ZNF260: variants seen among roughly 807,000 people sequenced by gnomAD.
The protein encoded by ZNF260 is zfp-260.
A neutral mutation model predicts 29.3 loss-of-function variants in ZNF260; 21 were observed. That is an observed-to-expected ratio of 0.72 (90% CI 0.51 to 1.03). The LOEUF is 1.03. ZNF260 is among the 50% of genes least tolerant of loss of function. The pLI, the probability that ZNF260 is intolerant of heterozygous loss-of-function variation, is 0.00. For missense variants in ZNF260, 465 were observed against 487.8 expected, an observed-to-expected ratio of 0.95 and a Z score of 0.44; for synonymous variants, 156 against 156.8, an observed-to-expected ratio of 0.99 and a Z score of 0.04.
At chr19:36,524,729 C>G (rs2034706714) in intron 2 of ZNF260, among the ~76,000 whole-genome samples, 1 of 151,790 alleles carries the variant, frequency 6.6e-6, no homozygotes, top group African/African-American at 2.4e-5. Context: ...TAACGACATG[C>G]TAGTTTTTGA....
At chr19:36,521,716 T>A (rs1369038241) in intron 2 of ZNF260, among the ~76,000 whole-genome samples, 1 of 151,192 alleles carries the variant, frequency 6.6e-6, no homozygotes, top group Non-Finnish European at 1.5e-5. Flanking sequence ...ATTGTGCCAC[T>A]GCACTCCAGC....
intron 2 of ZNF260, among the ~76,000 whole-genome samples, chr19:36,516,673 G>C (rs1209369325): frequency 2.0e-5 from 3 of 152,160 alleles, no homozygotes; most frequent in African/African-American, 7.2e-5. Flanking sequence ...CCGCCTCCTG[G>C]GTTCACGCCA....
chr19:36,520,889 CT>C (rs1480698748), intron 2 of ZNF260, among the ~76,000 whole-genome samples: 1 of 146,196 alleles, frequency 6.8e-6, no homozygotes, highest in Non-Finnish European at 1.5e-5. Context: ...AAGGACCAGC[CT>C]GGCCAACACC....
At chr19:36,517,716 T>A (rs1461134372) in intron 2 of ZNF260, among the ~76,000 whole-genome samples, 1 of 152,336 alleles carries the variant, frequency 6.6e-6, no homozygotes, top group East Asian at 1.9e-4. Flanking sequence ...AGCATCCTAG[T>A]AAGAGAAGAA....
intron 2 of ZNF260, among the ~76,000 whole-genome samples, chr19:36,524,534 T>TTTTTTTTTTTTTTTTTTTTA (rs1555779912): frequency 1.6e-5 from 2 of 125,964 alleles, no homozygotes; most frequent in African/African-American, 2.9e-5. Flanking sequence ...TTTTTTTTTT[T>TTTTTTTTTTTTTTTTTTTTA]ATTGATCATT....
At chr19:36,516,703 T>C (rs546491609) in intron 2 of ZNF260, among the ~76,000 whole-genome samples, 1 of 152,254 alleles carries the variant, frequency 6.6e-6, no homozygotes, top group Non-Finnish European at 1.5e-5. Context: ...CTCAGCTTAC[T>C]GAGCAGCTGG....
chr19:36,514,214 CAGA>C lies in ZNF260; in HGVS notation c.1022_1024del (p.Phe341del). The C allele has an allele frequency of 6.2e-7, 1 of 1,614,060 alleles. No homozygotes were observed. On this transcript the variant is annotated inframe_deletion, in exon 3 of 3. Transcript: ENST00000523638. ...ATGCACAGTAAGAGATGAGCTTTGA[CAGA>C]AGGCTTTCCCACAGACCTTACACTC...
chr19:36,513,871 A>T lies in ZNF260; in HGVS notation c.*129T>A. ...ATACTTATTAAACATCATAGTATTT[A>T]AGTTTTGAATTGCTGCTGAAGGACT... is the stretch of plus-strand genomic sequence containing the variant. On this transcript the variant is annotated 3_prime_UTR_variant, in exon 3 of 3. Coordinates refer to ENST00000523638, the MANE Select transcript of ZNF260 (RefSeq NM_001166037.2). 1.0e-6 allele frequency: 1 copy of T among 982,958 alleles called. No homozygotes were observed. Among genetic ancestry groups the T allele is most frequent in the Non-Finnish European group, 1.5e-6 (1 of 672,058 alleles). 60.9% of individuals were successfully genotyped at this position (982,958 alleles called of 1,614,324 possible). A position where few individuals can be genotyped will look rare whatever the true frequency, so the allele number is the denominator to read the frequency against.
intron 2 of ZNF260, among the ~76,000 whole-genome samples, chr19:36,520,747 C>A (rs2034631051): frequency 6.6e-6 from 1 of 151,614 alleles, no homozygotes; most frequent in African/African-American, 2.4e-5. Flanking sequence ...GTAGTCCCAG[C>A]TACTCTGGAG....
rs1265034186 is a variant in ZNF260 at position 36,513,143 on chromosome 19, G to C, written c.*857C>G. ...AATCTGTAAACTAAATTTTATCATA[G>C]GTATGTATATATAAGAAAAAAACAT... On this transcript the variant is annotated 3_prime_UTR_variant, in exon 3 of 3. Coordinates refer to ENST00000523638, the MANE Select transcript of ZNF260 (RefSeq NM_001166037.2). The C allele has an allele frequency of 6.6e-6, 1 of 151,908 alleles. No individual in the cohort carries two copies. The highest frequency in any genetic ancestry group is 2.4e-5 in the African/African-American group (1 of 41,342). The allele number at this position is 151,908 out of a possible 1,614,324, so 9.4% of individuals were successfully genotyped here.
Position 36,525,287 on chromosome 19 carries a change from G to C in ZNF260, c.-594C>G, listed in dbSNP as rs191797431. ...CACTGGACTTGGATGTTATGGTTGG[G>C]GAACAAAGCAGCATCCCAAAATTCA... On this transcript the variant is annotated 5_prime_UTR_variant, in exon 2 of 3. Transcript: ENST00000523638. 1.3e-5 allele frequency: 2 copies of C among 152,244 alleles called. No homozygotes were observed. The highest frequency in any genetic ancestry group is 4.8e-5 in the African/African-American group (2 of 41,544). 9.4% of individuals were successfully genotyped at this position (152,244 alleles called of 1,614,324 possible).
Position 36,510,742 on chromosome 19 carries a change from A to G in ZNF260, c.*3258T>C, listed in dbSNP as rs938970241. The stretch of plus-strand genomic sequence containing the variant: ...CCATTTCTTATGGTGGCAAATAAGC[A>G]AACTGTGAGTAAACGAGGGCAGCTG... On this transcript the variant is annotated 3_prime_UTR_variant, in exon 3 of 3. Transcript: ENST00000523638. 7 of 152,222 alleles carry G rather than the reference A, an allele frequency of 4.6e-5. No homozygotes were observed. Among genetic ancestry groups the G allele is most frequent in the African/African-American group, 1.7e-4 (7 of 41,456 alleles). The allele number at this position is 152,222 out of a possible 1,614,324, so 9.4% of individuals were successfully genotyped here.
intron 2 of ZNF260, among the ~76,000 whole-genome samples, chr19:36,523,449 C>T (rs936830360): frequency 6.6e-6 from 1 of 152,108 alleles, no homozygotes; most frequent in Non-Finnish European, 1.5e-5. Context: ...AAGCATACAG[C>T]AGACACTGTT....
Position 36,514,462 on chromosome 19 carries a change from G to A in ZNF260, c.777C>T (p.Gly259=). 1 of 1,613,094 alleles carries A rather than the reference G, an allele frequency of 6.2e-7. No individual in the cohort carries two copies. Among genetic ancestry groups the A allele is most frequent in the Non-Finnish European group, 8.5e-7 (1 of 1,179,766 alleles). Residue 259 remains glycine, a synonymous_variant, in exon 3 of 3, where the codon GGC becomes GGT. Transcript: ENST00000523638. ...TCTCATGCTCTGTGAGATTTGACTT[G>A]CCACTGAAGGCTTTCCCACATTCCT... ...TCKECGKAFS[G]KSNLTEHEKI... is the part of the protein sequence containing the mutation.
intron 2 of ZNF260, among the ~76,000 whole-genome samples, chr19:36,516,829 T>C (rs1046616239): frequency 6.6e-6 from 1 of 151,946 alleles, no homozygotes; most frequent in African/African-American, 2.4e-5. Flanking sequence ...CTGCCCGCCT[T>C]GGCCTCCCAA....
At chr19:36,518,787 G>A (rs8104087) in intron 2 of ZNF260, among the ~76,000 whole-genome samples, 42,061 of 152,052 alleles carry the variant, frequency 0.28, 6,337 homozygotes, top group Non-Finnish European at 0.35. Context: ...AGATAGCGGC[G>A]AAAGCACATC....
chr19:36,516,350 C>A (rs1413788591), intron 2 of ZNF260, among the ~76,000 whole-genome samples: 1 of 152,078 alleles, frequency 6.6e-6, no homozygotes, highest in African/African-American at 2.4e-5. Context: ...AATCCCAGCA[C>A]TTTGGAAGGG....
chr19:36,514,524 G>A lies in ZNF260; in HGVS notation c.715C>T (p.Gln239Ter), dbSNP rs780329440. ...GGTTTCTCTCCTGTGTGACTTCTCT[G>A]GTGTCTAATGAGGCTTGACTTCTGA... Reference protein sequence around the residue: ...FIQKSSLIRHQRSHTGEKPYT... With the variant: ...FIQKSSLIRH Residue 239 changes from glutamine (Q) to a stop codon, truncating the protein, a stop_gained, in exon 3 of 3, where the codon CAG becomes TAG. Coordinates refer to ENST00000523638, the MANE Select transcript of ZNF260 (RefSeq NM_001166037.2). LOFTEE classifies it high-confidence loss of function. 43 of 1,613,976 alleles carry A rather than the reference G, an allele frequency of 2.7e-5. No homozygotes were observed. Among genetic ancestry groups the A allele is most frequent in the Non-Finnish European group, 3.6e-5 (42 of 1,179,986 alleles).
intron 1 of ZNF260, among the ~76,000 whole-genome samples, chr19:36,526,167 A>C (rs1177829197): frequency 6.6e-6 from 1 of 152,186 alleles, no homozygotes; most frequent in African/African-American, 2.4e-5. Flanking sequence ...CTATAATAAT[A>C]ATCTTCCCTT....
Sources: gnomAD v4.1 joint callset for allele counts (sites outside exome capture counted in the v4.1 genomes callset) on GRCh38, gnomAD v4.1.1 for gene constraint, MANE v1.5 for transcripts, NCBI Gene and HGNC (gene_info 2026-07-23, HGNC 2026-07-21) for gene names.